The following ULK4 variants were observed in gnomAD, a reference collection of about 807,000 sequenced individuals.
The protein encoded by ULK4 is inactive serine/threonine-protein kinase ULK4.
ULK4 carries 133 observed loss-of-function variants against 160.6 expected under a neutral mutation model. The observed-to-expected ratio is 0.83, with a 90% CI of 0.72 to 0.96. ULK4 has a LOEUF of 0.96. ULK4 is among the 40% of genes least tolerant of loss of function. ULK4 has a pLI of 0.00. For missense variants in ULK4, 1,580 were observed against 1,499.5 expected (o/e 1.05, Z -0.89); for synonymous variants, 534 against 539.8 (o/e 0.99, Z 0.15).
At chr3:41,614,976 C>A (rs2032888721) in intron 31 of ULK4, among the ~76,000 whole-genome samples, 1 of 152,122 alleles carries the variant, frequency 6.6e-6, no homozygotes, top group African/African-American at 2.4e-5. Context: ...ATAACATACC[C>A]AGGCACAAGA....
intron 27 of ULK4, among the ~76,000 whole-genome samples, chr3:41,689,860 A>G (rs1350801200): frequency 6.7e-6 from 1 of 150,320 alleles, no homozygotes; most frequent in Non-Finnish European, 1.5e-5. Flanking sequence ...AAACTAGTTC[A>G]ACCATTGTGG....
chr3:41,361,472 G>A (rs1480559088), intron 35 of ULK4, among the ~76,000 whole-genome samples: 1 of 152,062 alleles, frequency 6.6e-6, no homozygotes, highest in Non-Finnish European at 1.5e-5. Context: ...CCTGACAGTG[G>A]GCCATTCTTT....
intron 32 of ULK4, among the ~76,000 whole-genome samples, chr3:41,537,318 C>A (rs1370586885): frequency 1.3e-5 from 2 of 152,170 alleles, no homozygotes; most frequent in South Asian, 4.1e-4. Context: ...GGCTTGATAG[C>A]TTTTATGGCT....
At chr3:41,708,768 A>G (rs6599167) in intron 25 of ULK4, among the ~76,000 whole-genome samples, 45,144 of 152,040 alleles carry the variant, frequency 0.3, 9,352 homozygotes, top group African/African-American at 0.59. Context: ...AAATATGTGA[A>G]GTAACAGATA....
chr3:41,904,816 T>C (rs1717009), intron 12 of ULK4, among the ~76,000 whole-genome samples: 103,843 of 152,100 alleles, frequency 0.68, 39,097 homozygotes, highest in East Asian at 0.83. Context: ...TAGTTCTGCA[T>C]TCAACACAAC....
intron 30 of ULK4, among the ~76,000 whole-genome samples, chr3:41,630,279 G>A (rs1485276054): frequency 6.6e-6 from 1 of 152,220 alleles, no homozygotes; most frequent in African/African-American, 2.4e-5. Flanking sequence ...GAGGCTGGAG[G>A]TGGAGGGGAT....
At chr3:41,380,461 G>GT (rs1216231961) in intron 35 of ULK4, among the ~76,000 whole-genome samples, 1 of 152,154 alleles carries the variant, frequency 6.6e-6, no homozygotes, top group African/African-American at 2.4e-5. Context: ...TACCGTCAGA[G>GT]TAAGACTGCA....
At chr3:41,296,020 G>A (rs1350499961) in intron 35 of ULK4, among the ~76,000 whole-genome samples, 1 of 152,216 alleles carries the variant, frequency 6.6e-6, no homozygotes, top group Non-Finnish European at 1.5e-5. Flanking sequence ...CCATTCAGTA[G>A]ATGACTGAAT....
chr3:41,247,411 C>T (rs901232417), intron 36 of ULK4, among the ~76,000 whole-genome samples: 5 of 152,224 alleles, frequency 3.3e-5, no homozygotes, highest in Non-Finnish European at 7.3e-5. Flanking sequence ...AGCTTTCTTA[C>T]TCTTATAGGT....
intron 35 of ULK4, among the ~76,000 whole-genome samples, chr3:41,309,934 T>C (rs2080018705): frequency 6.6e-6 from 1 of 152,124 alleles, no homozygotes; most frequent in African/African-American, 2.4e-5. Context: ...GAGGTATATT[T>C]ACAAATGGGT....
At chr3:41,737,043 T>A (rs1475628158) in intron 22 of ULK4, among the ~76,000 whole-genome samples, 1 of 151,922 alleles carries the variant, frequency 6.6e-6, no homozygotes, top group African/African-American at 2.4e-5. Context: ...TTCTGTTCCA[T>A]TGGTCTACAT....
At chr3:41,772,300 C>A (rs993914688) in intron 21 of ULK4, among the ~76,000 whole-genome samples, 2 of 151,718 alleles carry the variant, frequency 1.3e-5, no homozygotes, top group Non-Finnish European at 2.9e-5. Context: ...TTGAAAAGAT[C>A]AACAAAATTG....
At position 41,531,368 on chromosome 3, in the gene ULK4, G is replaced by T. The variant is rs1003109517; in HGVS notation, c.3226+34657C>A. ...AGGCAGGAGAATGGCGTGAACCTGG[G>T]AGGCAGAGCTTGCAGTGAGCCGAGA... On this transcript the variant is annotated intron_variant, in intron 32 of 36. Transcript: ENST00000301831. Among the ~76,000 whole-genome samples, 4 of 145,262 alleles carry T rather than the reference G, an allele frequency of 2.8e-5. No individual in the cohort carries two copies. The East Asian group carries it at 9.1e-4, about 33-fold the overall frequency.
chr3:41,866,917 T>C (rs961450551), intron 17 of ULK4, among the ~76,000 whole-genome samples: 2 of 152,226 alleles, frequency 1.3e-5, no homozygotes, highest in Non-Finnish European at 2.9e-5. Flanking sequence ...TAGTATCTTT[T>C]AACATACATT....
chr3:41,411,108 A>G (rs903811945), intron 34 of ULK4, among the ~76,000 whole-genome samples: 1 of 152,208 alleles, frequency 6.6e-6, no homozygotes, highest in Admixed American at 6.5e-5. Context: ...TCCAACATCT[A>G]TTTACAATGT....
At chr3:41,847,171 G>GAA (rs776452462) in intron 17 of ULK4, among the ~76,000 whole-genome samples, 18 of 152,270 alleles carry the variant, frequency 1.2e-4, no homozygotes, top group Non-Finnish European at 2.1e-4. Flanking sequence ...TGATAGATAT[G>GAA]AAAAGGTGAA....
At chr3:41,575,574 G>A (rs1469305378) in intron 31 of ULK4, among the ~76,000 whole-genome samples, 2 of 152,212 alleles carry the variant, frequency 1.3e-5, no homozygotes, top group African/African-American at 2.4e-5. Flanking sequence ...TCAAAGACAT[G>A]AGAGAAGGCA....
intron 21 of ULK4, among the ~76,000 whole-genome samples, chr3:41,772,529 G>A (rs1450036503): frequency 1.3e-5 from 2 of 152,118 alleles, no homozygotes; most frequent in African/African-American, 4.8e-5. Context: ...GGAAGAAGTT[G>A]AATCTCTGAA....
At chr3:41,816,900 T>C (rs910711251) in intron 19 of ULK4, among the ~76,000 whole-genome samples, 1 of 152,220 alleles carries the variant, frequency 6.6e-6, no homozygotes, top group Non-Finnish European at 1.5e-5. Flanking sequence ...ACCCTGCTGG[T>C]GGGAGTATAA....
Sources: gnomAD v4.1 joint callset for allele counts (sites outside exome capture counted in the v4.1 genomes callset) on GRCh38, gnomAD v4.1.1 for gene constraint, MANE v1.5 for transcripts, NCBI Gene and HGNC (gene_info 2026-07-23, HGNC 2026-07-21) for gene names.